The following LRRIQ1 variants were observed in gnomAD, a reference collection of about 807,000 sequenced individuals.
The protein encoded by LRRIQ1 is leucine-rich repeat- and IQ domain-containing protein 1.
Under a neutral mutation model 211.9 loss-of-function variants are expected in LRRIQ1, and 210 were observed. That is an observed-to-expected ratio of 0.99 (90% confidence interval 0.89 to 1.11). LRRIQ1 has a LOEUF of 1.11. LRRIQ1 is among the 50% of genes most tolerant of loss of function. The pLI is 0.00. For synonymous variants in LRRIQ1, 699 were observed against 650.1 expected (o/e 1.08, Z -1.14); for missense variants, 2,136 against 1,939.5 (o/e 1.10, Z -1.90).
At chr12:85,067,261 A>G (rs572243472) in intron 10 of LRRIQ1, among the ~76,000 whole-genome samples, 1 of 151,820 alleles carries the variant, frequency 6.6e-6, no homozygotes, top group African/African-American at 2.4e-5. Flanking sequence ...TTGCTGGTAA[A>G]CCTTTTTCAT....
rs1453005506 is a variant in LRRIQ1, at chr12:85,047,440, TGAAAA to T, written c.652_656del (p.Lys218GlufsTer15). 5 of 1,612,286 alleles carry T rather than the reference TGAAAA, an allele frequency of 3.1e-6. No homozygotes were observed. The highest frequency in any genetic ancestry group is 1.3e-5 in the African/African-American group (1 of 74,786). ...ATTGCTGGATGAAACAATTTAAAGTTGAAAAGAAGAAATTAGAGAACATTCAGAAG... is the reference window on the plus strand; with the variant it reads ...ATTGCTGGATGAAACAATTTAAAGTTGAAGAAATTAGAGAACATTCAGAAG... On this transcript the variant is annotated frameshift_variant, in exon 6 of 27. Transcript: ENST00000393217. LOFTEE classifies it high-confidence loss of function.
intron 15 of LRRIQ1, among the ~76,000 whole-genome samples, chr12:85,107,932 C>A (rs1483573573): frequency 6.6e-6 from 1 of 151,906 alleles, no homozygotes; most frequent in African/African-American, 2.4e-5. Flanking sequence ...TTTCTGGAAC[C>A]TTCTGGAACA....
chr12:85,213,430 G>C (rs1893933747), intron 24 of LRRIQ1, among the ~76,000 whole-genome samples: 1 of 151,886 alleles, frequency 6.6e-6, no homozygotes. Context: ...TATAGCATGT[G>C]ACATCTATAC....
At chr12:85,058,380 T>C (rs905858468) in intron 8 of LRRIQ1, among the ~76,000 whole-genome samples, 12 of 152,034 alleles carry the variant, frequency 7.9e-5, no homozygotes, top group African/African-American at 2.4e-4. Flanking sequence ...TTTTAGCACT[T>C]TTCTTTCTCT....
chr12:85,083,708 G>C (rs543374968), intron 11 of LRRIQ1, among the ~76,000 whole-genome samples: 1 of 152,250 alleles, frequency 6.6e-6, no homozygotes, highest in South Asian at 2.1e-4. Flanking sequence ...AAAGTGCTGA[G>C]ATTACAGGCA....
chr12:85,239,263 A>G (rs946390244), intron 26 of LRRIQ1, among the ~76,000 whole-genome samples: 22 of 151,936 alleles, frequency 1.4e-4, no homozygotes, highest in African/African-American at 4.1e-4. Flanking sequence ...AGGACCTAGA[A>G]TAGCAAATGC....
intron 26 of LRRIQ1, among the ~76,000 whole-genome samples, chr12:85,242,932 G>A (rs1268097360): frequency 4.0e-5 from 6 of 151,690 alleles, no homozygotes; most frequent in Non-Finnish European, 7.4e-5. Flanking sequence ...AAATTTTTTG[G>A]AAGGTGTTTA....
chr12:85,065,208 A>G, intron 8 of LRRIQ1, 54 bp from the exon 9 acceptor site: 2 of 1,421,540 alleles, frequency 1.4e-6, no homozygotes, highest in South Asian at 1.4e-5. Context: ...AATATTGTTT[A>G]TATTCAGTTT....
chr12:85,246,050 A>G (rs1297937830), downstream of LRRIQ1, among the ~76,000 whole-genome samples: 1 of 151,134 alleles, frequency 6.6e-6, no homozygotes, highest in Non-Finnish European at 1.5e-5. Flanking sequence ...GATTATAATC[A>G]TTTATATTTA....
intron 24 of LRRIQ1, among the ~76,000 whole-genome samples, chr12:85,172,122 A>G (rs1272303445): frequency 6.6e-6 from 1 of 152,184 alleles, no homozygotes; most frequent in Non-Finnish European, 1.5e-5. Flanking sequence ...AAGAAGAAAG[A>G]AGGCACCTGG....
chr12:85,268,824 A>G (rs1287684735), downstream of LRRIQ1, among the ~76,000 whole-genome samples: 1 of 151,952 alleles, frequency 6.6e-6, no homozygotes, highest in Non-Finnish European at 1.5e-5. Flanking sequence ...AGAATAAAAA[A>G]CTTTTTTGTT....
chr12:85,065,458 A>G, intron 9 of LRRIQ1, 44 bp downstream of exon 9: 1 of 1,427,502 alleles, frequency 7.0e-7, no homozygotes, highest in Non-Finnish European at 9.4e-7. Flanking sequence ...AATAAAATAT[A>G]AAATGGATTT....
chr12:85,073,295 T>A (rs961084583), intron 11 of LRRIQ1, among the ~76,000 whole-genome samples, 197 bp downstream of exon 11: 2 of 151,994 alleles, frequency 1.3e-5, no homozygotes. Flanking sequence ...ATAACATGCT[T>A]TAATGTGTTT....
intron 24 of LRRIQ1, among the ~76,000 whole-genome samples, chr12:85,197,734 C>T (rs1418601377): frequency 4.8e-4 from 73 of 150,578 alleles, no homozygotes; most frequent in Middle Eastern, 3.4e-3. Context: ...TGCTAGATGA[C>T]GAGTTAGTGG....
intron 11 of LRRIQ1, among the ~76,000 whole-genome samples, chr12:85,086,029 A>T (rs1017712248): frequency 6.6e-6 from 1 of 152,130 alleles, no homozygotes; most frequent in Non-Finnish European, 1.5e-5. Context: ...ACAGTCACTG[A>T]ACTAATTCAC....
chr12:85,119,841 T>G (rs1169883819), intron 15 of LRRIQ1, among the ~76,000 whole-genome samples: 4 of 152,178 alleles, frequency 2.6e-5, no homozygotes, highest in Non-Finnish European at 4.4e-5. Context: ...CTGTTGAGGT[T>G]TCTTGCCTAT....
At chr12:85,043,137 A>G (rs1164355270) in intron 3 of LRRIQ1, among the ~76,000 whole-genome samples, 1 of 152,046 alleles carries the variant, frequency 6.6e-6, no homozygotes, top group Non-Finnish European at 1.5e-5. Context: ...ATAAGGAGAG[A>G]TGTTCTGAAT....
chr12:85,166,911 A>G (rs560255409), intron 24 of LRRIQ1, among the ~76,000 whole-genome samples: 29 of 152,322 alleles, frequency 1.9e-4, no homozygotes, highest in African/African-American at 6.7e-4. Flanking sequence ...AGCTCCATGT[A>G]TTTCTTTAAT....
chr12:85,113,907 T>TTTTGTGTGTG (rs1239287833), intron 15 of LRRIQ1, among the ~76,000 whole-genome samples: 34 of 140,966 alleles, frequency 2.4e-4, no homozygotes, highest in African/African-American at 8.7e-4. Flanking sequence ...CAAATGAGTT[T>TTTTGTGTGTG]TGTGTGTGTG....
Sources: gnomAD v4.1 joint callset for allele counts (sites outside exome capture counted in the v4.1 genomes callset) on GRCh38, gnomAD v4.1.1 for gene constraint, MANE v1.5 for transcripts, NCBI Gene and HGNC (gene_info 2026-07-23, HGNC 2026-07-21) for gene names.